Variants in SYT4 observed in about 807,000 individuals in gnomAD.
SYT4 encodes the protein synaptotagmin-4.
Under a neutral mutation model 32.9 loss-of-function variants are expected in SYT4, and 7 were observed. That is an observed-to-expected ratio of 0.21 (90% CI 0.12 to 0.40). SYT4 has a LOEUF of 0.40. Among genes scored for constraint, SYT4 ranks in the 10% least tolerant of loss-of-function variants. The pLI, the probability that SYT4 is intolerant of heterozygous loss-of-function variation, is 1.00. For missense variants in SYT4, 480 were observed against 488.0 expected (o/e 0.98, Z 0.16); for synonymous variants, 205 against 186.2 (o/e 1.10, Z -0.82).
At chr18:43,273,302 T>C (rs1466780803) in intron 2 of SYT4, among the ~76,000 whole-genome samples, 2 of 152,142 alleles carry the variant, frequency 1.3e-5, no homozygotes, top group Non-Finnish European at 2.9e-5. Context: ...ATATTTATGA[T>C]AGAGATTAAC....
Position 43,277,267 on chromosome 18 carries a change from G to A in SYT4, c.15C>T (p.Thr5=). ...GCTTACCAAATTCTTCCCGGCTGGT[G>A]GTGATCGGAGCCATTTTTTACTGCG... The part of the protein sequence containing the change: MAPI[T]TSREEFDEIP... Residue 5 remains threonine (T), a synonymous_variant, in exon 1 of 4, where the codon ACC becomes ACT. Transcript: ENST00000255224. 1 of 1,614,040 alleles carries A rather than the reference G, an allele frequency of 6.2e-7. No individual in the cohort carries two copies. The highest frequency in any genetic ancestry group is 1.1e-5 in the South Asian group (1 of 91,072).
chr18:43,271,811 ACTC>A lies in SYT4; in HGVS notation c.868_870del (p.Glu290del). On this transcript the variant is annotated inframe_deletion, in exon 3 of 4. Coordinates refer to ENST00000255224, the MANE Select transcript of SYT4 (RefSeq NM_020783.4). ...GACTGATAGCAGAGAGAGATCAGTAACTCACCCCGTCCTGAAGACTTCTGCAGA... is the reference window on the plus strand; with the variant it reads ...GACTGATAGCAGAGAGAGATCAGTAAACCCCGTCCTGAAGACTTCTGCAGA... 1 of 1,612,908 alleles carries A rather than the reference ACTC, an allele frequency of 6.2e-7. No homozygotes were observed. Among genetic ancestry groups the A allele is most frequent in the Non-Finnish European group, 8.5e-7 (1 of 1,179,112 alleles).
In SYT4 at chr18:43,274,106, G is replaced by C; in HGVS notation, c.323C>G (p.Thr108Ser). Residue 108 changes from threonine (T) to serine (S), a missense_variant, in exon 2 of 4, where the codon ACC becomes AGC. Physicochemically the swap from Thr to Ser is moderately conservative, Grantham distance 58. Transcript: ENST00000255224. The part of the protein sequence containing the change: ...KRDLNGNFPK[T>S]NLKPGSPSDL... ...AGAAGGACTGCCAGGTTTGAGGTTG[G>C]TTTTGGGAAAATTGCCATTGAGATC... 6.2e-7 allele frequency: 1 copy of C among 1,614,076 alleles called. No individual in the cohort carries two copies. Among genetic ancestry groups the C allele is most frequent in the Non-Finnish European group, 8.5e-7 (1 of 1,179,960 alleles).
chr18:43,273,616 C>A lies in SYT4; in HGVS notation c.813G>T (p.Met271Ile), dbSNP rs760074442. 6.2e-7 allele frequency: 1 copy of A among 1,612,998 alleles called. No individual in the cohort carries two copies. The highest frequency in any genetic ancestry group is 1.3e-5 in the African/African-American group (1 of 74,850). The part of the protein sequence containing the change: ...LSGIELSEGK[M>I]LMNREIIKRN... The stretch of plus-strand genomic sequence containing the variant: ...TCTTGATGATCTCTCTATTCATTAA[C>A]ATTTTTCCTTCAGATAATTCAATTC... The change falls in exon 2 of 4, where the codon ATG becomes ATT. Residue 271 changes from methionine to isoleucine, a missense_variant. Met to Ile is a conservative substitution (Grantham distance 10). Coordinates refer to ENST00000255224, the MANE Select transcript of SYT4 (RefSeq NM_020783.4).
In SYT4 at chr18:43,274,292, T is replaced by C. The variant is rs764576606; in HGVS notation, c.137A>G (p.Asn46Ser). ...CACAAACTTGTATGGAGGAGTCTTG[T>C]TAGACTTGGATGATTTTCTCTGACA... The part of the protein sequence containing the change: ...ICCQRKSSKS[N>S]KTPPYKFVHV... Residue 46 changes from asparagine (N) to serine (S), a missense_variant, in exon 2 of 4, where the codon AAC (asparagine) becomes AGC (serine). Physicochemically the swap from Asn to Ser is conservative, Grantham distance 46. Coordinates refer to ENST00000255224, the MANE Select transcript of SYT4 (RefSeq NM_020783.4). 1 of 1,613,894 alleles carries C rather than the reference T, an allele frequency of 6.2e-7. No homozygotes were observed. Among genetic ancestry groups the C allele is most frequent in the Non-Finnish European group, 8.5e-7 (1 of 1,179,906 alleles).
chr18:43,273,803 C>T lies in SYT4; in HGVS notation c.626G>A (p.Arg209Lys). The T allele has an allele frequency of 1.9e-6, 3 of 1,614,006 alleles. No individual in the cohort carries two copies. Among genetic ancestry groups the T allele is most frequent in the Non-Finnish European group, 2.5e-6 (3 of 1,179,924 alleles). Reference sequence around the variant, plus strand: ...TGGATCCAAGGTTTTTCTCAGCACTCTAGTTTTCACTTTATGCTTCTTCTC... The same window carrying T: ...TGGATCCAAGGTTTTTCTCAGCACTTTAGTTTTCACTTTATGCTTCTTCTC... ...LPEKKHKVKT[R>K]VLRKTLDPAF... The change falls in exon 2 of 4, where the codon AGA (arginine) becomes AAA (lysine). Residue 209 changes from arginine to lysine, a missense_variant. By Grantham distance (26) the Arg-to-Lys change is conservative (BLOSUM62 2). Transcript: ENST00000255224.
At chr18:43,272,345 A>C (rs1437720877) in intron 2 of SYT4, among the ~76,000 whole-genome samples, 1 of 152,130 alleles carries the variant, frequency 6.6e-6, no homozygotes, top group East Asian at 1.9e-4. Flanking sequence ...TCTGATCCCA[A>C]CTACATTCCT....
In SYT4 at chr18:43,277,291, C is replaced by A. The variant is rs549788372; in HGVS notation, c.-10G>T. ...TGGTGATCGGAGCCATTTTTTACTG[C>A]GTGTTCTGTCCGAGGTGCTGAAGGG... On this transcript the variant is annotated 5_prime_UTR_variant, in exon 1 of 4. Coordinates refer to ENST00000255224, the MANE Select transcript of SYT4 (RefSeq NM_020783.4). 2.9e-5 allele frequency: 47 copies of A among 1,613,874 alleles called. No homozygotes were observed. Among genetic ancestry groups the A allele is most frequent in the Non-Finnish European group, 3.8e-5 (45 of 1,179,962 alleles).
chr18:43,269,675 G>T lies in SYT4; in HGVS notation c.*666C>A, dbSNP rs1377635515. 1 of 152,708 alleles carries T rather than the reference G, an allele frequency of 6.5e-6. No homozygotes were observed. The highest frequency in any genetic ancestry group is 1.5e-5 in the Non-Finnish European group (1 of 68,182). The allele number at this position is 152,708 out of a possible 1,614,324, so 9.5% of individuals were successfully genotyped here. A position where few individuals can be genotyped will look rare whatever the true frequency, so the allele number is the denominator to read the frequency against. On this transcript the variant is annotated 3_prime_UTR_variant, in exon 4 of 4. Transcript: ENST00000255224. ...TTGACTCACATGTAACCTTAGGGGG[G>T]AGAAAAATTATATTTCAGCCACAGT...
chr18:43,276,250 C>T (rs556247019), intron 1 of SYT4, among the ~76,000 whole-genome samples: 6 of 152,100 alleles, frequency 3.9e-5, no homozygotes, highest in Admixed American at 6.6e-5. Context: ...TTTTCTATAA[C>T]GTGGAAACAC....
chr18:43,275,003 A>G (rs1246053906), intron 1 of SYT4, among the ~76,000 whole-genome samples: 1 of 152,136 alleles, frequency 6.6e-6, no homozygotes, highest in Non-Finnish European at 1.5e-5. Context: ...GAAGAGCAAC[A>G]AGGTACCGAT....
intron 1 of SYT4, 86 bp downstream of exon 1, chr18:43,277,162 C>A: frequency 6.4e-7 from 1 of 1,553,692 alleles, no homozygotes; most frequent in Non-Finnish European, 8.8e-7. Context: ...CTGTATTCAA[C>A]AACCGGGCAA....
Position 43,274,054 on chromosome 18 carries a change from G to C in SYT4, c.375C>G (p.Leu125=). 1 of 1,614,042 alleles carries C rather than the reference G, an allele frequency of 6.2e-7. No individual in the cohort carries two copies. The highest frequency in any genetic ancestry group is 1.1e-5 in the South Asian group (1 of 91,068). Residue 125 remains leucine, a synonymous_variant, in exon 2 of 4, where the codon CTC becomes CTG. Transcript: ENST00000255224. ...CTGACTCTTTTTCCCCTTCTAAAAA[G>C]AGCTTCGGGGTTGCATTCTCCAGAT... is the stretch of plus-strand genomic sequence containing the variant. ...PSDLENATPK[L]FLEGEKESVS...
At position 43,274,198 on chromosome 18, in the gene SYT4, A is replaced by T. The variant is rs377383007; in HGVS notation, c.231T>A (p.Asp77Glu). Residue 77 changes from aspartate (D) to glutamate (E), a missense_variant, in exon 2 of 4, where the codon GAT becomes GAA. Transcript: ENST00000255224. ...CTGGCTTATTCTTTACTTCATTTTT[A>T]TCATCTGCTCCAAACTTCTTTTTGC... is the stretch of plus-strand genomic sequence containing the variant. Reference protein sequence around the residue: ...LNSKKKFGADDKNEVKNKPAV... With the variant: ...LNSKKKFGADEKNEVKNKPAV... 6.9e-5 allele frequency: 112 copies of T among 1,613,808 alleles called. No homozygotes were observed. The highest frequency in any genetic ancestry group is 8.6e-5 in the Non-Finnish European group (101 of 1,179,930).
At position 43,274,404 on chromosome 18, in the gene SYT4, C is replaced by A; in HGVS notation, c.35-10G>T. ...ACTGTGGGGATTTCATCTGAAAAATCAAATGACCAATAATATACATTAAAG... is the reference window on the plus strand; with the variant it reads ...ACTGTGGGGATTTCATCTGAAAAATAAAATGACCAATAATATACATTAAAG... On this transcript the variant is annotated splice_polypyrimidine_tract_variant and intron_variant, in intron 1 of 3. Coordinates refer to ENST00000255224, the MANE Select transcript of SYT4 (RefSeq NM_020783.4). 1.3e-6 allele frequency: 2 copies of A among 1,569,540 alleles called. No homozygotes were observed. Among genetic ancestry groups the A allele is most frequent in the South Asian group, 2.4e-5 (2 of 84,688 alleles).
In SYT4 at chr18:43,270,303, T is replaced by C. The variant is rs200707308; in HGVS notation, c.*38A>G. 5.3e-4 allele frequency: 832 copies of C among 1,580,092 alleles called. 7 individuals carry two copies. The highest frequency in any genetic ancestry group is 5.9e-4 in the Admixed American group (32 of 54,506). ...GAAAGAAAGAAAATTTCTCCTTGCC[T>C]AGTAAAAACCTTTAAGTTCCAACTC... On this transcript the variant is annotated 3_prime_UTR_variant, in exon 4 of 4. Coordinates refer to ENST00000255224, the MANE Select transcript of SYT4 (RefSeq NM_020783.4).
In SYT4 at chr18:43,274,074, C is replaced by G. The variant is rs1908716625; in HGVS notation, c.355G>C (p.Glu119Gln). ...NLKPGSPSDL[E>Q]NATPKLFLEG... is the part of the protein sequence containing the mutation. ...AAAAAGAGCTTCGGGGTTGCATTCTCCAGATCAGAAGGACTGCCAGGTTTG... is the reference window on the plus strand; with the variant it reads ...AAAAAGAGCTTCGGGGTTGCATTCTGCAGATCAGAAGGACTGCCAGGTTTG... The change falls in exon 2 of 4, where the codon GAG becomes CAG. Residue 119 changes from glutamate to glutamine, a missense_variant. Physicochemically the swap from Glu to Gln is conservative, Grantham distance 29. Coordinates refer to ENST00000255224, the MANE Select transcript of SYT4 (RefSeq NM_020783.4). 1 of 1,613,932 alleles carries G rather than the reference C, an allele frequency of 6.2e-7. No individual in the cohort carries two copies. Among genetic ancestry groups the G allele is most frequent in the Admixed American group, 1.7e-5 (1 of 59,982 alleles).
At position 43,270,249 on chromosome 18, in the gene SYT4, T is replaced by C; in HGVS notation, c.*92A>G. On this transcript the variant is annotated 3_prime_UTR_variant, in exon 4 of 4. Transcript: ENST00000255224. ...ACAACAACAACAACAAAAAGGTAGC[T>C]TGATTTCCCAAGCTTGCAATCCAAT... 2 of 1,387,512 alleles carry C rather than the reference T, an allele frequency of 1.4e-6. No homozygotes were observed. Among genetic ancestry groups the C allele is most frequent in the Non-Finnish European group, 2.0e-6 (2 of 1,016,690 alleles). The allele number at this position is 1,387,512 out of a possible 1,614,324, so 86.0% of individuals were successfully genotyped here. A position where few individuals can be genotyped will look rare whatever the true frequency, so the allele number is the denominator to read the frequency against.
At chr18:43,274,530 G>T in intron 1 of SYT4, 136 bp from the exon 2 acceptor site, 1 of 638,020 alleles carries the variant, frequency 1.6e-6, no homozygotes. Context: ...CTGGGTATGA[G>T]TTAAGTGTAT....
Sources: gnomAD v4.1 joint callset for allele counts (sites outside exome capture counted in the v4.1 genomes callset) on GRCh38, gnomAD v4.1.1 for gene constraint, MANE v1.5 for transcripts, NCBI Gene and HGNC (gene_info 2026-07-23, HGNC 2026-07-21) for gene names.